The following TGFBR3 variants were observed in gnomAD, a reference collection of about 807,000 sequenced individuals.
The protein encoded by TGFBR3 is transforming growth factor beta receptor 3.
In TGFBR3, 46 loss-of-function variants were observed where a neutral mutation model predicts 87.9. The observed-to-expected ratio is 0.52, with a 90% CI of 0.41 to 0.67. The LOEUF is 0.67. Among genes scored for constraint, TGFBR3 ranks in the 30% least tolerant of loss-of-function variants. The pLI, the probability that TGFBR3 is intolerant of heterozygous loss-of-function variation, is 0.00. For synonymous variants in TGFBR3, 381 were observed against 391.6 expected, an observed-to-expected ratio of 0.97 and a Z score of 0.32; for missense variants, 866 against 1,041.9, an observed-to-expected ratio of 0.83 and a Z score of 2.32.
intron 2 of TGFBR3, among the ~76,000 whole-genome samples, chr1:91,819,874 G>A (rs1676381865): frequency 6.6e-6 from 1 of 152,166 alleles, no homozygotes; most frequent in African/African-American, 2.4e-5. Flanking sequence ...TTCAGAAAAT[G>A]GGGAAAGAAA....
At position 91,708,727 on chromosome 1, in the gene TGFBR3, C is replaced by T. The variant is rs1350765482; in HGVS notation, c.2223G>A (p.Met741Ile). 2 of 1,614,118 alleles carry T rather than the reference C, an allele frequency of 1.2e-6. No homozygotes were observed. The highest frequency in any genetic ancestry group is 1.1e-5 in the South Asian group (1 of 91,080). ...TAGTGAACGTCTTCTTATTCTGCAT[C>T]ATGGCCCAGATTATCGAGGCGTCCA... is the stretch of plus-strand genomic sequence containing the variant. ...TSLDASIIWAMMQNKKTFTKP... is the reference protein window; with the variant it reads ...TSLDASIIWAIMQNKKTFTKP... Residue 741 changes from methionine (M) to isoleucine (I), a missense_variant, in exon 14 of 17, where the codon ATG (methionine) becomes ATA (isoleucine). Coordinates refer to ENST00000212355, the MANE Select transcript of TGFBR3 (RefSeq NM_003243.5).
intron 2 of TGFBR3, among the ~76,000 whole-genome samples, chr1:91,846,712 G>GT (rs928126444): frequency 6.5e-4 from 99 of 151,424 alleles, no homozygotes; most frequent in South Asian, 2.3e-3. Flanking sequence ...TGTATACTAG[G>GT]TTTTTTTTTA....
At chr1:91,703,903 T>C (rs80344655) in intron 14 of TGFBR3, among the ~76,000 whole-genome samples, 2,813 of 152,342 alleles carry the variant, frequency 0.018, 76 homozygotes, top group African/African-American at 0.064. Flanking sequence ...CTAAACAGGT[T>C]ACACATTTCC....
At chr1:91,817,558 AAAGG>A (rs1482758632) in intron 2 of TGFBR3, among the ~76,000 whole-genome samples, 1 of 152,220 alleles carries the variant, frequency 6.6e-6, no homozygotes, top group Non-Finnish European at 1.5e-5. Context: ...TTTAGGCCAG[AAAGG>A]ATGCAAACGT....
At chr1:91,705,657 C>A (rs1311891851) in intron 14 of TGFBR3, among the ~76,000 whole-genome samples, 21 of 152,196 alleles carry the variant, frequency 1.4e-4, no homozygotes, top group Admixed American at 1.4e-3. Flanking sequence ...AGGAGTCACA[C>A]ACAGCTGAAA....
chr1:91,710,494 G>A (rs916341116), intron 13 of TGFBR3, among the ~76,000 whole-genome samples: 3 of 152,234 alleles, frequency 2.0e-5, no homozygotes, highest in East Asian at 3.9e-4. Context: ...TCCGGGTCTC[G>A]GTTTCATCAG....
chr1:91,764,543 C>T (rs529672551), intron 3 of TGFBR3, among the ~76,000 whole-genome samples: 81 of 152,080 alleles, frequency 5.3e-4, no homozygotes, highest in African/African-American at 1.8e-3. Context: ...GAGACCCAGG[C>T]CCTTCCTTCC....
chr1:91,693,858 C>T (rs190575404), intron 16 of TGFBR3, among the ~76,000 whole-genome samples: 5 of 152,270 alleles, frequency 3.3e-5, no homozygotes, highest in South Asian at 2.1e-4. Context: ...CTGAACATGT[C>T]GGTATTCCTG....
chr1:91,794,943 T>C (rs1232553111), intron 3 of TGFBR3, among the ~76,000 whole-genome samples: 2 of 152,256 alleles, frequency 1.3e-5, no homozygotes, highest in South Asian at 2.1e-4. Context: ...TTTTAAAAAC[T>C]GTTTGCATAG....
intron 4 of TGFBR3, among the ~76,000 whole-genome samples, chr1:91,741,826 C>T (rs1450795672): frequency 2.0e-5 from 3 of 152,190 alleles, no homozygotes; most frequent in East Asian, 3.8e-4. Flanking sequence ...GTTGCAGTAA[C>T]TTTCTACCCT....
intron 16 of TGFBR3, among the ~76,000 whole-genome samples, chr1:91,690,495 T>C (rs563788463): frequency 6.6e-6 from 1 of 152,114 alleles, no homozygotes; most frequent in Non-Finnish European, 1.5e-5. Flanking sequence ...CCTTGCCTCA[T>C]CTAGCAACAG....
At chr1:91,724,800 T>C (rs1186180068) in intron 7 of TGFBR3, among the ~76,000 whole-genome samples, 1 of 152,142 alleles carries the variant, frequency 6.6e-6, no homozygotes, top group Non-Finnish European at 1.5e-5. Flanking sequence ...CAGCCATATC[T>C]TCATGAAAGA....
intron 2 of TGFBR3, among the ~76,000 whole-genome samples, chr1:91,814,896 C>T (rs1427094995): frequency 6.6e-6 from 1 of 152,188 alleles, no homozygotes; most frequent in East Asian, 1.9e-4. Context: ...ACATAGTCTT[C>T]TAAATTACCA....
chr1:91,779,894 A>C (rs1351535070), intron 3 of TGFBR3, among the ~76,000 whole-genome samples: 1 of 152,182 alleles, frequency 6.6e-6, no homozygotes, highest in African/African-American at 2.4e-5. Context: ...CAGCAGAGCC[A>C]CATGCCCTCC....
intron 2 of TGFBR3, among the ~76,000 whole-genome samples, chr1:91,812,385 A>AAAGT (rs1313221153): frequency 1.3e-5 from 2 of 152,216 alleles, no homozygotes; most frequent in African/African-American, 4.8e-5. Context: ...TTGTTTCAAA[A>AAAGT]AAGTAAGTGT....
At chr1:91,900,967 C>T (rs2101349773) in intron 1 of TGFBR3, among the ~76,000 whole-genome samples, 2 of 152,286 alleles carry the variant, frequency 1.3e-5, no homozygotes, top group Middle Eastern at 6.8e-3. Context: ...CTCGGATGAT[C>T]CTTCTGCCTC....
Position 91,886,053 on chromosome 1 carries a change from C to A in TGFBR3, c.-289G>T, listed in dbSNP as rs530361674. On this transcript the variant is annotated 5_prime_UTR_variant, in exon 1 of 17. Coordinates refer to ENST00000212355, the MANE Select transcript of TGFBR3 (RefSeq NM_003243.5). ...ACCTCCTGCAGGGAGCTCCGGGAAT[C>A]GCGCAGGGAAAGTGGCCGGGGCGCG... The A allele has an allele frequency of 1.1e-4, 52 of 454,030 alleles. No homozygotes were observed. Among genetic ancestry groups the A allele is most frequent in the South Asian group, 7.8e-4 (50 of 64,454 alleles). The allele number at this position is 454,030 out of a possible 1,614,324, so 28.1% of individuals were successfully genotyped here.
chr1:91,899,151 T>C (rs994332457), intron 2 of TGFBR3, among the ~76,000 whole-genome samples: 1 of 152,168 alleles, frequency 6.6e-6, no homozygotes, highest in African/African-American at 2.4e-5. Context: ...CAAATGTTCT[T>C]ACCCCCAAAA....
At position 91,682,999 on chromosome 1, in the gene TGFBR3, C is replaced by T. The variant is rs1445539304; in HGVS notation, c.*740G>A. On this transcript the variant is annotated 3_prime_UTR_variant, in exon 17 of 17. Transcript: ENST00000212355. ...TTTGGTCATTTTCAATTTCTGTAGG[C>T]CTGTAAGAAATACAAAATTTGCATT... The T allele has an allele frequency of 1.3e-5, 6 of 454,316 alleles. No homozygotes were observed. The highest frequency in any genetic ancestry group is 2.6e-5 in the Non-Finnish European group (6 of 226,790). 28.1% of individuals were successfully genotyped at this position (454,316 alleles called of 1,614,324 possible).
Sources: gnomAD v4.1 joint callset for allele counts (sites outside exome capture counted in the v4.1 genomes callset) on GRCh38, gnomAD v4.1.1 for gene constraint, MANE v1.5 for transcripts, NCBI Gene and HGNC (gene_info 2026-07-23, HGNC 2026-07-21) for gene names.